Variants in STK24 observed in about 807,000 individuals in gnomAD.
The protein encoded by STK24 is serine/threonine-protein kinase 24.
STK24 carries 21 observed loss-of-function variants against 55.6 expected under a neutral mutation model. That is an observed-to-expected ratio of 0.38 (90% CI 0.27 to 0.54). STK24 has a LOEUF of 0.54. Among genes scored for constraint, STK24 ranks in the 20% least tolerant of loss-of-function variants. STK24 has a pLI of 0.79. For synonymous variants in STK24, 200 were observed against 215.2 expected (o/e 0.93, Z 0.62); for missense variants, 383 against 538.4 (o/e 0.71, Z 2.86).
At chr13:98,547,560 T>G (rs1897058355) in intron 1 of STK24, among the ~76,000 whole-genome samples, 1 of 152,162 alleles carries the variant, frequency 6.6e-6, no homozygotes, top group Admixed American at 6.5e-5. Flanking sequence ...TAAAACAAAA[T>G]TAATGACCAA....
At chr13:98,503,353 C>A (rs561158937) in intron 2 of STK24, among the ~76,000 whole-genome samples, 1 of 152,214 alleles carries the variant, frequency 6.6e-6, no homozygotes, top group East Asian at 1.9e-4. Flanking sequence ...AGGGCAGAAA[C>A]CTGATTAAAA....
At chr13:98,493,068 C>T (rs1895102894) in intron 2 of STK24, among the ~76,000 whole-genome samples, 1 of 152,168 alleles carries the variant, frequency 6.6e-6, no homozygotes, top group South Asian at 2.1e-4. Flanking sequence ...TTTATGAAAA[C>T]AATTGCCTGT....
chr13:98,517,645 T>C (rs1896113812), intron 2 of STK24, among the ~76,000 whole-genome samples: 1 of 152,150 alleles, frequency 6.6e-6, no homozygotes, highest in East Asian at 1.9e-4. Flanking sequence ...AAAAAAGAAA[T>C]TTAACATCAA....
chr13:98,469,520 A>G (rs1349659116), intron 5 of STK24, among the ~76,000 whole-genome samples: 1 of 147,262 alleles, frequency 6.8e-6, no homozygotes, highest in South Asian at 2.2e-4. Flanking sequence ...TGGGTGACAG[A>G]GCAAGACCCT....
At chr13:98,575,149 T>C (rs1897848596) in intron 1 of STK24, among the ~76,000 whole-genome samples, 1 of 152,164 alleles carries the variant, frequency 6.6e-6, no homozygotes, top group African/African-American at 2.4e-5. Flanking sequence ...CACTCTGACC[T>C]ACACACCTCT....
chr13:98,490,914 C>CA (rs546213712), intron 2 of STK24, among the ~76,000 whole-genome samples: 1 of 151,476 alleles, frequency 6.6e-6, no homozygotes, highest in African/African-American at 2.4e-5. Context: ...GGAGGCTTCC[C>CA]ACAGTGAAGG....
At chr13:98,526,146 T>G (rs1183245360) in intron 1 of STK24, among the ~76,000 whole-genome samples, 3 of 152,162 alleles carry the variant, frequency 2.0e-5, no homozygotes, top group Non-Finnish European at 2.9e-5. Flanking sequence ...CCGTCTTTGC[T>G]TTTTCTGGTT....
chr13:98,481,522 A>C (rs1288119087), intron 3 of STK24, among the ~76,000 whole-genome samples: 1 of 152,048 alleles, frequency 6.6e-6, no homozygotes, highest in Non-Finnish European at 1.5e-5. Context: ...TCATAATCAC[A>C]CCCTGCCCCT....
intron 2 of STK24, among the ~76,000 whole-genome samples, chr13:98,490,873 TC>T (rs987102283): frequency 3.8e-4 from 56 of 146,482 alleles, no homozygotes; most frequent in Non-Finnish European, 6.1e-4. Context: ...CTGTAGCAAA[TC>T]ATGTCACTAC....
intron 3 of STK24, among the ~76,000 whole-genome samples, chr13:98,477,236 T>C (rs1442591090): frequency 6.6e-6 from 1 of 152,240 alleles, no homozygotes; most frequent in Non-Finnish European, 1.5e-5. Context: ...TCATAGAATG[T>C]AGAAATTTTA....
At chr13:98,459,255 T>C (rs528664324) in intron 9 of STK24, among the ~76,000 whole-genome samples, 15 of 152,304 alleles carry the variant, frequency 9.8e-5, no homozygotes, top group African/African-American at 3.6e-4. Context: ...AGAACACAGG[T>C]GCCCAGAACC....
intron 1 of STK24, among the ~76,000 whole-genome samples, chr13:98,540,709 C>T (rs546431914): frequency 1.2e-3 from 171 of 141,682 alleles, no homozygotes; most frequent in African/African-American, 4.5e-3. Flanking sequence ...CTCTCTCACA[C>T]AGGCCTCTAT....
chr13:98,575,379 T>A (rs1205396693), intron 1 of STK24, among the ~76,000 whole-genome samples: 1 of 149,994 alleles, frequency 6.7e-6, no homozygotes, highest in Admixed American at 6.8e-5. Context: ...TAAACATATA[T>A]ACACACATAT....
At chr13:98,561,822 C>A (rs1897427885) in intron 1 of STK24, among the ~76,000 whole-genome samples, 1 of 151,386 alleles carries the variant, frequency 6.6e-6, no homozygotes, top group South Asian at 2.1e-4. Context: ...ACTAAAAATA[C>A]AAAAATTAGC....
intron 1 of STK24, among the ~76,000 whole-genome samples, chr13:98,551,159 G>A (rs376009691): frequency 2.6e-5 from 4 of 152,016 alleles, no homozygotes; most frequent in South Asian, 2.1e-4. Context: ...GGTGGCGGGC[G>A]CCTGTAGTCC....
At chr13:98,484,031 C>T (rs1311349967) in intron 2 of STK24, among the ~76,000 whole-genome samples, 1 of 152,198 alleles carries the variant, frequency 6.6e-6, no homozygotes, top group African/African-American at 2.4e-5. Context: ...AATGATGTGT[C>T]TGACACCCAA....
chr13:98,485,184 G>A (rs1384037643), intron 2 of STK24, among the ~76,000 whole-genome samples: 1 of 152,194 alleles, frequency 6.6e-6, no homozygotes, highest in African/African-American at 2.4e-5. Flanking sequence ...AACTGCAGTT[G>A]AGAAAGAGTA....
intron 3 of STK24, among the ~76,000 whole-genome samples, chr13:98,480,861 A>G (rs1894554595): frequency 6.6e-6 from 1 of 152,214 alleles, no homozygotes; most frequent in Admixed American, 6.5e-5. Flanking sequence ...AAGTGAACAG[A>G]CTGTAAGCGT....
At chr13:98,495,210 G>A (rs1473610221) in intron 2 of STK24, among the ~76,000 whole-genome samples, 2 of 152,218 alleles carry the variant, frequency 1.3e-5, no homozygotes, top group Non-Finnish European at 2.9e-5. Context: ...TACAAGAACT[G>A]CTGAAGGAGA....
Sources: allele counts gnomAD v4.1 joint callset (sites outside exome capture counted in the v4.1 genomes callset), GRCh38; gene constraint gnomAD v4.1.1; transcripts MANE v1.5; gene names NCBI Gene and HGNC (gene_info 2026-07-23, HGNC 2026-07-21).